Variants in SPTB observed in about 807,000 individuals in gnomAD.
SPTB encodes the protein spectrin beta, erythrocytic, also known as spectrin beta chain, erythrocytic.
SPTB carries 45 observed loss-of-function variants against 256.2 expected under a neutral mutation model. The ratio of observed to expected loss-of-function variants is 0.18; its 90% confidence interval spans 0.14 to 0.23. The LOEUF is 0.23. SPTB is among the 10% of genes least tolerant of loss of function. The pLI, the probability that SPTB is intolerant of heterozygous loss-of-function variation, is 1.00. For synonymous variants in SPTB, 1,231 were observed against 1,243.1 expected (o/e 0.99, Z 0.21); for missense variants, 2,715 against 3,040.4 (o/e 0.89, Z 2.52).
rs1357134262 is a variant in SPTB, at chr14:64,770,999, C to A, written c.5684G>T (p.Arg1895Leu). 17 of 1,614,028 alleles carry A rather than the reference C, an allele frequency of 1.1e-5. No homozygotes were observed. Among genetic ancestry groups the A allele is most frequent in the Non-Finnish European group, 1.4e-5 (17 of 1,180,056 alleles). The change falls in exon 27 of 36, where the codon CGC (arginine) becomes CTC (leucine). Residue 1895 changes from arginine to leucine, a missense_variant. Around this residue, in one of 4 missense-constraint regions of SPTB, gnomAD observed 2,239 missense variants for 2,384.4 expected, o/e 0.94. Transcript: ENST00000644917. ...WQALLDACAG[R>L]RTQLVDTADK... ...CGCCGTGTCCACTAGCTGGGTCCGG[C>A]GCCCGGCACAGGCATCGAGCAGCGC...
Position 64,785,739 on chromosome 14 carries a change from C to A in SPTB, c.3764+10G>T, listed in dbSNP as rs1461352606. The A allele has an allele frequency of 6.2e-7, 1 of 1,614,068 alleles. No homozygotes were observed. On this transcript the variant is annotated intron_variant, in intron 17 of 35. Transcript: ENST00000644917. This position sits in a 1 kb window ranked among gnomAD's most constrained non-coding sequence, Gnocchi z 4.4. ...TCTGGGGGCCTCGTGGCCCTGGGGC[C>A]CGGGAGTACCTGTCCTCAATCAGCT...
At position 64,826,921 on chromosome 14, in the gene SPTB, A is replaced by G. The variant is rs2083385218; in HGVS notation, c.-51-3776T>C. Among the ~76,000 whole-genome samples, 1 of 152,198 alleles carries G rather than the reference A, an allele frequency of 6.6e-6. No homozygotes were observed. The highest frequency in any genetic ancestry group is 6.5e-5 in the Admixed American group (1 of 15,276). ...AGCACTGAAAACCTCATGGGATCACACAGAGGACTCAGCTCACAGAAGGAA... is the reference window on the plus strand; with the variant it reads ...AGCACTGAAAACCTCATGGGATCACGCAGAGGACTCAGCTCACAGAAGGAA... On this transcript the variant is annotated intron_variant, in intron 1 of 35. Coordinates refer to ENST00000644917, the MANE Select transcript of SPTB (RefSeq NM_001355436.2). The surrounding 1 kb of genome is among the most constrained non-coding windows in gnomAD (Gnocchi z 4.4).
intron 1 of SPTB, among the ~76,000 whole-genome samples, chr14:64,865,757 G>A (rs546743771): frequency 1.1e-3 from 169 of 152,262 alleles, no homozygotes; most frequent in African/African-American, 3.7e-3. Context: ...TTGCCCTCAC[G>A]GGTATAGGTC....
chr14:64,855,518 T>A (rs1021922994), intron 1 of SPTB, among the ~76,000 whole-genome samples: 1 of 152,178 alleles, frequency 6.6e-6, no homozygotes, highest in Non-Finnish European at 1.5e-5. Context: ...ATTATTATTA[T>A]TATTTTTAAA....
In SPTB at chr14:64,824,355, G is replaced by T. The variant is rs2083344891; in HGVS notation, c.-51-1210C>A. On this transcript the variant is annotated intron_variant, in intron 1 of 35. Coordinates refer to ENST00000644917, the MANE Select transcript of SPTB (RefSeq NM_001355436.2). This position sits in a 1 kb window ranked among gnomAD's most constrained non-coding sequence, Gnocchi z 5.7. ...GGTAAGAAAGAACACAGAAAGCTTT[G>T]AGAACTTTAAGAAGTAACGGGAAGG... Among the ~76,000 whole-genome samples, 1 of 152,140 alleles carries T rather than the reference G, an allele frequency of 6.6e-6. No individual in the cohort carries two copies. Among genetic ancestry groups the T allele is most frequent in the Non-Finnish European group, 1.5e-5 (1 of 68,024 alleles).
intron 15 of SPTB, among the ~76,000 whole-genome samples, chr14:64,791,344 G>A (rs1443172947): frequency 2.0e-5 from 3 of 152,108 alleles, no homozygotes; most frequent in African/African-American, 7.2e-5. Flanking sequence ...GAGGTGGGCA[G>A]ATCGCTTGAG....
rs950189202 is a variant in SPTB, at chr14:64,760,179, C to G, written c.6346-6386G>C. On this transcript the variant is annotated intron_variant, in intron 32 of 35. Transcript: ENST00000644917. This position sits in a 1 kb window ranked among gnomAD's most constrained non-coding sequence, Gnocchi z 4.3. ...GTCTTTGCAGTCTTGCAAAGTCAAG[C>G]AGGAGTCTGTGTAAGCTTGACTTTT... Among the ~76,000 whole-genome samples the G allele has an allele frequency of 2.0e-5, 3 of 151,970 alleles. No individual in the cohort carries two copies. Among genetic ancestry groups the G allele is most frequent in the Admixed American group, 6.6e-5 (1 of 15,258 alleles).
At position 64,767,758 on chromosome 14, in the gene SPTB, C is replaced by G; in HGVS notation, c.6124G>C (p.Asp2042His). ...CTCTTGATGAGCTTCTCCACACTGTCCACTGTGTGTCCAAAGTCCCCGCTG... is the reference window on the plus strand; with the variant it reads ...CTCTTGATGAGCTTCTCCACACTGTGCACTGTGTGTCCAAAGTCCCCGCTG... ...LASGDFGHTV[D>H]SVEKLIKRHE... The change falls in exon 30 of 36, where the codon GAC (aspartate) becomes CAC (histidine). Residue 2042 changes from aspartate to histidine, a missense_variant. This residue lies in a region of SPTB where 2,239 missense variants were observed against 2,384.4 expected (regional missense o/e 0.94). Coordinates refer to ENST00000644917, the MANE Select transcript of SPTB (RefSeq NM_001355436.2). The G allele has an allele frequency of 6.2e-7, 1 of 1,614,184 alleles. No individual in the cohort carries two copies. Among genetic ancestry groups the G allele is most frequent in the South Asian group, 1.1e-5 (1 of 91,086 alleles).
At chr14:64,832,753 C>A (rs2083468154) in intron 1 of SPTB, among the ~76,000 whole-genome samples, 2 of 152,302 alleles carry the variant, frequency 1.3e-5, no homozygotes, top group South Asian at 2.1e-4. Context: ...ATGCTCCATG[C>A]CCTTCTTCCC....
At position 64,749,800 on chromosome 14, in the gene SPTB, CCT is replaced by C; in HGVS notation, c.6777-106_6777-105del. ...ATACCCTGAGCCGAACATCCAGACC[CCT>C]CTCAGGCAGCCCAGCACTTTCTGAG... is the stretch of plus-strand genomic sequence containing the variant. On this transcript the variant is annotated intron_variant, in intron 34 of 35. Transcript: ENST00000644917. This position sits in a 1 kb window ranked among gnomAD's most constrained non-coding sequence, Gnocchi z 4.7. 1 of 1,516,982 alleles carries C rather than the reference CCT, an allele frequency of 6.6e-7. No individual in the cohort carries two copies. The highest frequency in any genetic ancestry group is 1.2e-5 in the South Asian group (1 of 86,110). 94.0% of individuals were successfully genotyped at this position (1,516,982 alleles called of 1,614,324 possible). A position where few individuals can be genotyped will look rare whatever the true frequency, so the allele number is the denominator to read the frequency against.
chr14:64,752,098 A>T (rs2081960325), intron 33 of SPTB: 6 of 1,117,680 alleles, frequency 5.4e-6, no homozygotes, highest in Admixed American at 5.5e-5. Flanking sequence ...TGTCTAAACA[A>T]AACAAAACAA....
intron 1 of SPTB, among the ~76,000 whole-genome samples, chr14:64,869,423 C>A (rs1250042232): frequency 6.6e-6 from 1 of 151,874 alleles, no homozygotes; most frequent in Non-Finnish European, 1.5e-5. Context: ...CCACATGATT[C>A]TTTATTCTTT....
In SPTB at chr14:64,824,315, G is replaced by A. The variant is rs1469730822; in HGVS notation, c.-51-1170C>T. On this transcript the variant is annotated intron_variant, in intron 1 of 35. Transcript: ENST00000644917. This position sits in a 1 kb window ranked among gnomAD's most constrained non-coding sequence, Gnocchi z 5.7. ...TCCAAGCAAAGGGAATAAAGAGTAGGTGTAAAGTCCTGAAGGTAAGAAAGA... is the reference window on the plus strand; with the variant it reads ...TCCAAGCAAAGGGAATAAAGAGTAGATGTAAAGTCCTGAAGGTAAGAAAGA... Among the ~76,000 whole-genome samples the A allele has an allele frequency of 6.6e-6, 1 of 152,132 alleles. No individual in the cohort carries two copies. The highest frequency in any genetic ancestry group is 1.5e-5 in the Non-Finnish European group (1 of 68,028).
rs1247858561 is a variant in SPTB, at chr14:64,767,233, C to A, written c.6269+70G>T. 1.3e-5 allele frequency: 21 copies of A among 1,595,088 alleles called. No individual in the cohort carries two copies. In the South Asian group the frequency reaches 2.1e-4, roughly 16 times the overall value. On this transcript the variant is annotated intron_variant, in intron 31 of 35. Transcript: ENST00000644917. ...TGCAACTGGTCCCAATGTCAGGTTT[C>A]TGATGAAAGGCACCCCCTACTCCCA... is the stretch of plus-strand genomic sequence containing the variant.
chr14:64,822,723 G>A (rs951373272), intron 2 of SPTB, among the ~76,000 whole-genome samples: 10 of 152,156 alleles, frequency 6.6e-5, no homozygotes, highest in African/African-American at 1.9e-4. Flanking sequence ...GCCCCACCTG[G>A]TCCCAGCTCC....
chr14:64,791,694 G>A (rs372004499), intron 15 of SPTB, 25 bp downstream of exon 15: 26 of 1,490,812 alleles, frequency 1.7e-5, no homozygotes, highest in African/African-American at 7.2e-5. Context: ...CAATGCCCCC[G>A]CCCCATGCCC....
At position 64,773,300 on chromosome 14, in the gene SPTB, C is replaced by G. The variant is rs748477590; in HGVS notation, c.5098G>C (p.Asp1700His). ...YHLFQLKRETDDLEQWISEKE... is the reference protein window; with the variant it reads ...YHLFQLKRETHDLEQWISEKE... Reference sequence around the variant, plus strand: ...TCTGAAATCCACTGCTCCAGGTCGTCGGTCTCCCGCTTGAGCTGGAACAGG... The same window carrying G: ...TCTGAAATCCACTGCTCCAGGTCGTGGGTCTCCCGCTTGAGCTGGAACAGG... The change falls in exon 25 of 36, where the codon GAC becomes CAC. Residue 1700 changes from aspartate (D) to histidine (H), a missense_variant. Asp to His is a moderately conservative substitution (Grantham distance 81, BLOSUM62 -1). This residue lies in a region of SPTB where 2,239 missense variants were observed against 2,384.4 expected (regional missense o/e 0.94). Coordinates refer to ENST00000644917, the MANE Select transcript of SPTB (RefSeq NM_001355436.2). 6.2e-7 allele frequency: 1 copy of G among 1,614,230 alleles called. No individual in the cohort carries two copies.
At chr14:64,840,955 T>C (rs1198677365) in intron 1 of SPTB, among the ~76,000 whole-genome samples, 1 of 152,240 alleles carries the variant, frequency 6.6e-6, no homozygotes, top group Non-Finnish European at 1.5e-5. Flanking sequence ...AAGGAGCTTA[T>C]AGTCAGGAAG....
chr14:64,848,579 T>C (rs2083730597), intron 1 of SPTB, among the ~76,000 whole-genome samples: 1 of 152,266 alleles, frequency 6.6e-6, no homozygotes, highest in Non-Finnish European at 1.5e-5. Flanking sequence ...GATAAGTTAA[T>C]TATTGTGCAT....
Sources: gnomAD v4.1 joint callset for allele counts (sites outside exome capture counted in the v4.1 genomes callset) on GRCh38, gnomAD v4.1.1 for gene constraint, gnomAD v4.1.1 regional missense constraint, Gnocchi (gnomAD v3.1) non-coding constraint, MANE v1.5 for transcripts, NCBI Gene and HGNC (gene_info 2026-07-23, HGNC 2026-07-21) for gene names.